The following WWOX variants were observed in gnomAD, a reference collection of about 807,000 sequenced individuals.
WWOX encodes the protein WW domain-containing oxidoreductase.
In WWOX, 69 loss-of-function variants were observed where a neutral mutation model predicts 46.2. The ratio of observed to expected loss-of-function variants is 1.49; its 90% confidence interval spans 1.23 to 1.82. The LOEUF (loss-of-function observed/expected upper bound fraction) is 1.82, where lower values mean the gene tolerates loss of function less well. WWOX is among the 40% of genes most tolerant of loss of function. The pLI, the probability that WWOX is intolerant of heterozygous loss-of-function variation, is 0.00. For missense variants in WWOX, 919 were observed against 542.6 expected, an observed-to-expected ratio of 1.69 and a Z score of -6.89; for synonymous variants, 359 against 202.6, an observed-to-expected ratio of 1.77 and a Z score of -6.56.
chr16:78,446,959 T>A (rs1403833647), intron 8 of WWOX, among the ~76,000 whole-genome samples: 1 of 152,160 alleles, frequency 6.6e-6, no homozygotes, highest in Non-Finnish European at 1.5e-5. Flanking sequence ...CTGCCAATTA[T>A]ATACTTATTT....
At chr16:78,936,726 T>A (rs1414765590) in intron 8 of WWOX, among the ~76,000 whole-genome samples, 1 of 152,036 alleles carries the variant, frequency 6.6e-6, no homozygotes, top group Non-Finnish European at 1.5e-5. Context: ...AATCACAGTT[T>A]CCAGAAAATG....
At chr16:78,298,791 C>CA (rs10607151) in intron 5 of WWOX, among the ~76,000 whole-genome samples, 108 of 136,786 alleles carry the variant, frequency 7.9e-4, no homozygotes, top group Admixed American at 9.4e-4. Context: ...AACTCTGTCT[C>CA]AAAAAAAAAA....
chr16:79,212,358 G>GAGGGAGTAGAAT lies in WWOX; in HGVS notation c.*564_*575dup. 1 of 587,294 alleles carries GAGGGAGTAGAAT rather than the reference G, an allele frequency of 1.7e-6. No individual in the cohort carries two copies. Among genetic ancestry groups the GAGGGAGTAGAAT allele is most frequent in the Admixed American group, 3.2e-5 (1 of 31,252 alleles). The allele number at this position is 587,294 out of a possible 1,614,324, so 36.4% of individuals were successfully genotyped here. On this transcript the variant is annotated 3_prime_UTR_variant, in exon 9 of 9. Coordinates refer to ENST00000566780, the MANE Select transcript of WWOX (RefSeq NM_016373.4). ...CCAGTGAGGATGACAGTGACACCCA[G>GAGGGAGTAGAAT]AGGGAGTAGAATACGCAGAACTACC...
intron 5 of WWOX, among the ~76,000 whole-genome samples, chr16:78,342,936 T>A (rs1318035109): frequency 3.3e-5 from 4 of 120,668 alleles, no homozygotes; most frequent in Non-Finnish European, 4.0e-5. Flanking sequence ...CTTGGAGATA[T>A]AAGCTCACCT....
intron 5 of WWOX, among the ~76,000 whole-genome samples, chr16:78,294,668 G>GTGAC (rs1333780410): frequency 7.8e-6 from 1 of 127,556 alleles, no homozygotes; most frequent in Non-Finnish European, 1.8e-5. Flanking sequence ...ATCTTATAAT[G>GTGAC]TGACTCCATG....
At chr16:78,138,595 C>T (rs976428933) in intron 4 of WWOX, among the ~76,000 whole-genome samples, 6 of 152,170 alleles carry the variant, frequency 3.9e-5, no homozygotes, top group Non-Finnish European at 8.8e-5. Flanking sequence ...GATAAGAATC[C>T]ATATCTTTTG....
rs566824967 is a variant in WWOX, at chr16:78,364,616, T to C, written c.517-22244T>C. 4.0e-5 allele frequency among the ~76,000 whole-genome samples: 6 copies of C among 151,178 alleles called. No homozygotes were observed. The East Asian group carries it at 1.2e-3, about 29-fold the overall frequency. On this transcript the variant is annotated intron_variant, in intron 5 of 8. Coordinates refer to ENST00000566780, the MANE Select transcript of WWOX (RefSeq NM_016373.4). ...CAGTATAATAAAAATAAACTGTTTG[T>C]CGTGACTGCAGCTGACATTTATCAG...
At chr16:78,680,627 A>G (rs746478102) in intron 8 of WWOX, among the ~76,000 whole-genome samples, 2 of 152,232 alleles carry the variant, frequency 1.3e-5, no homozygotes, top group Non-Finnish European at 2.9e-5. Flanking sequence ...TAAATTTTAA[A>G]TAAAATTAAA....
At chr16:78,944,680 G>C (rs951345779) in intron 8 of WWOX, among the ~76,000 whole-genome samples, 1 of 152,110 alleles carries the variant, frequency 6.6e-6, no homozygotes, top group Non-Finnish European at 1.5e-5. Flanking sequence ...AGCATGTGGG[G>C]AATGCAAGTC....
chr16:79,039,512 T>C (rs758847810), intron 8 of WWOX, among the ~76,000 whole-genome samples: 1 of 151,988 alleles, frequency 6.6e-6, no homozygotes, highest in Non-Finnish European at 1.5e-5. Context: ...TTAGAAACAG[T>C]TGGGTCCCAA....
chr16:79,093,873 G>A (rs997115255), intron 8 of WWOX, among the ~76,000 whole-genome samples: 1 of 152,136 alleles, frequency 6.6e-6, no homozygotes, highest in African/African-American at 2.4e-5. Context: ...CCCAGAGTGG[G>A]CCTCACCGCA....
intron 8 of WWOX, among the ~76,000 whole-genome samples, chr16:78,654,094 C>G (rs565180989): frequency 1.3e-5 from 2 of 152,152 alleles, no homozygotes; most frequent in Admixed American, 1.3e-4. Flanking sequence ...TCTCCTAAAT[C>G]CAGGTAGAGA....
chr16:79,014,773 T>A (rs2047379976), intron 8 of WWOX, among the ~76,000 whole-genome samples: 1 of 152,216 alleles, frequency 6.6e-6, no homozygotes, highest in African/African-American at 2.4e-5. Flanking sequence ...TTAGTTTTGC[T>A]CTATTCCAAG....
intron 8 of WWOX, among the ~76,000 whole-genome samples, chr16:78,686,568 C>G (rs1597445164): frequency 1.3e-5 from 2 of 151,842 alleles, no homozygotes; most frequent in South Asian, 2.1e-4. Flanking sequence ...CCCAGAAATC[C>G]TGAATAAGAA....
At chr16:79,151,237 T>C (rs550182449) in intron 8 of WWOX, among the ~76,000 whole-genome samples, 38 of 152,318 alleles carry the variant, frequency 2.5e-4, no homozygotes, top group African/African-American at 8.9e-4. Context: ...ATCTGGAACA[T>C]TCTTTCCTAC....
chr16:78,939,966 G>C (rs1009137099), intron 8 of WWOX, among the ~76,000 whole-genome samples: 1 of 152,164 alleles, frequency 6.6e-6, no homozygotes, highest in Non-Finnish European at 1.5e-5. Context: ...TTCATGGTTA[G>C]ACCATAAACT....
At chr16:78,153,606 C>T (rs958378321) in intron 4 of WWOX, among the ~76,000 whole-genome samples, 5 of 151,828 alleles carry the variant, frequency 3.3e-5, no homozygotes, top group Admixed American at 2.6e-4. Flanking sequence ...GTTTGTGGGG[C>T]GGGGCTGGAG....
chr16:78,358,971 C>G (rs1007676043), intron 5 of WWOX, among the ~76,000 whole-genome samples: 5 of 147,560 alleles, frequency 3.4e-5, no homozygotes, highest in South Asian at 2.2e-4. Context: ...AGCTTCATAA[C>G]TTAGTAAATT....
At chr16:79,054,921 C>G (rs898749741) in intron 8 of WWOX, among the ~76,000 whole-genome samples, 3 of 152,146 alleles carry the variant, frequency 2.0e-5, no homozygotes, top group Non-Finnish European at 4.4e-5. Context: ...GAATTAAAAG[C>G]AATTGCAGCA....
Sources: gnomAD v4.1 joint callset for allele counts (sites outside exome capture counted in the v4.1 genomes callset) on GRCh38, gnomAD v4.1.1 for gene constraint, MANE v1.5 for transcripts, NCBI Gene and HGNC (gene_info 2026-07-23, HGNC 2026-07-21) for gene names.